The following CNIH3 variants were observed in gnomAD, a reference collection of about 807,000 sequenced individuals.
The protein encoded by CNIH3 is cornichon family AMPA receptor auxiliary protein 3.
Under a neutral mutation model 24.1 loss-of-function variants are expected in CNIH3, and 14 were observed. That is an observed-to-expected ratio of 0.58 (90% CI 0.38 to 0.91). CNIH3 has a LOEUF of 0.91. Ranked by LOEUF, CNIH3 falls within the 40% of genes least tolerant of loss-of-function variation. CNIH3 has a pLI of 0.00. For synonymous variants in CNIH3, 68 were observed against 73.8 expected (o/e 0.92, Z 0.40); for missense variants, 178 against 196.8 (o/e 0.90, Z 0.57).
intron 4 of CNIH3, among the ~76,000 whole-genome samples, chr1:224,569,452 AT>A (rs1349385843): frequency 6.6e-6 from 1 of 152,158 alleles, no homozygotes; most frequent in East Asian, 1.9e-4. Flanking sequence ...CATTGTTTCC[AT>A]TTTTAAAACA....
intron 4 of CNIH3, chr1:224,575,040 C>T (rs1680977072): frequency 2.3e-6 from 2 of 881,714 alleles, no homozygotes. Context: ...CCAGTACTGC[C>T]AGTCCAAAGG....
At chr1:224,533,021 A>T (rs1264553782) in intron 2 of CNIH3, among the ~76,000 whole-genome samples, 2 of 152,170 alleles carry the variant, frequency 1.3e-5, no homozygotes, top group Non-Finnish European at 2.9e-5. Flanking sequence ...ATATTATGTG[A>T]GTCTATTCAG....
chr1:224,651,779 TCAGA>T (rs2125105496), intron 1 of CNIH3, among the ~76,000 whole-genome samples: 1 of 152,344 alleles, frequency 6.6e-6, no homozygotes, highest in South Asian at 2.1e-4. Context: ...TTTTGTGATC[TCAGA>T]CAGTACCTGG....
intron 1 of CNIH3, among the ~76,000 whole-genome samples, chr1:224,464,079 G>A (rs1009251616): frequency 2.6e-5 from 4 of 151,960 alleles, no homozygotes; most frequent in Non-Finnish European, 4.4e-5. Flanking sequence ...GTGAGCCACC[G>A]CGCTCGACCT....
intron 4 of CNIH3, among the ~76,000 whole-genome samples, chr1:224,733,496 C>CA (rs1689438302): frequency 1.3e-5 from 2 of 152,198 alleles, no homozygotes; most frequent in South Asian, 4.1e-4. Flanking sequence ...CTTTTCAGCA[C>CA]AGTGTCAGTG....
chr1:224,619,328 T>C (rs1286707902), intron 1 of CNIH3, among the ~76,000 whole-genome samples: 2 of 152,226 alleles, frequency 1.3e-5, no homozygotes, highest in Non-Finnish European at 2.9e-5. Context: ...AGCTTCTCAA[T>C]GCTCACCCCC....
At chr1:224,696,149 C>G (rs940527423) in intron 3 of CNIH3, among the ~76,000 whole-genome samples, 2 of 152,086 alleles carry the variant, frequency 1.3e-5, no homozygotes, top group Non-Finnish European at 2.9e-5. Flanking sequence ...GTCTAGAGAC[C>G]CAGGCTCCTC....
downstream of CNIH3, among the ~76,000 whole-genome samples, chr1:224,541,706 GC>G (rs1325127329): frequency 6.6e-6 from 1 of 152,144 alleles, no homozygotes. Flanking sequence ...TATGCAACTG[GC>G]TATTCTTTTT....
chr1:224,675,554 A>G (rs1007477175), intron 1 of CNIH3, among the ~76,000 whole-genome samples: 3 of 152,248 alleles, frequency 2.0e-5, no homozygotes, highest in African/African-American at 2.4e-5. Context: ...AGAAGACAAT[A>G]TTTGCAAATT....
rs565327391 is a variant in CNIH3 at position 224,577,989 on chromosome 1, G to A, written n.517-5175G>A. 9.7e-4 allele frequency among the ~76,000 whole-genome samples: 147 copies of A among 151,614 alleles called. 2 individuals are homozygous for A. Among genetic ancestry groups the A allele is most frequent in the Admixed American group, 8.5e-3 (130 of 15,218 alleles). On this transcript the variant is annotated intron_variant and non_coding_transcript_variant, in intron 4 of 5. Transcript: ENST00000471578. Reference sequence around the variant, plus strand: ...AGGAATGGAAAACCAAACATCCTATGTTCTCACTTATGAGCAGGAGCTTGC... The same window carrying A: ...AGGAATGGAAAACCAAACATCCTATATTCTCACTTATGAGCAGGAGCTTGC...
chr1:224,532,486 C>T (rs1156629407), intron 2 of CNIH3, among the ~76,000 whole-genome samples: 1 of 152,132 alleles, frequency 6.6e-6, no homozygotes, highest in Non-Finnish European at 1.5e-5. Context: ...GAGGCTCTTG[C>T]AGTTATCCAG....
intron 1 of CNIH3, among the ~76,000 whole-genome samples, chr1:224,494,571 T>C (rs770959217): frequency 3.3e-5 from 5 of 152,224 alleles, no homozygotes; most frequent in Non-Finnish European, 7.3e-5. Flanking sequence ...TGCTTGTGGC[T>C]GAAGCCGTGT....
At chr1:224,480,155 A>T (rs1398289066) in intron 1 of CNIH3, among the ~76,000 whole-genome samples, 1 of 152,216 alleles carries the variant, frequency 6.6e-6, no homozygotes, top group Non-Finnish European at 1.5e-5. Context: ...CACCATGTGG[A>T]AGCTGCCAAG....
chr1:224,488,794 A>AGG (rs1553257607), intron 1 of CNIH3, among the ~76,000 whole-genome samples: 1 of 151,854 alleles, frequency 6.6e-6, no homozygotes, highest in East Asian at 1.9e-4. Flanking sequence ...TAAATTTTAG[A>AGG]TGTGTTTTTC....
chr1:224,541,844 C>T (rs983948), downstream of CNIH3, among the ~76,000 whole-genome samples: 29,784 of 152,094 alleles, frequency 0.2, 3,087 homozygotes, highest in South Asian at 0.35. Context: ...ACGACTGTAT[C>T]TTATCTTATT....
intron 1 of CNIH3, among the ~76,000 whole-genome samples, chr1:224,644,015 A>G (rs1390927370): frequency 6.6e-6 from 1 of 152,136 alleles, no homozygotes; most frequent in Non-Finnish European, 1.5e-5. Context: ...GGGTATTAGA[A>G]TTGTAGTAGA....
chr1:224,616,760 G>C lies in CNIH3; in HGVS notation c.-415G>C. ...CTCGTCTCTCCTCAGCGGTTTAGTG[G>C]AGAAAAGCAGAGAGCTCTTCCTGGG... On this transcript the variant is annotated 5_prime_UTR_variant, in exon 1 of 6. Coordinates refer to ENST00000272133, the MANE Select transcript of CNIH3 (RefSeq NM_152495.2). 9.8e-7 allele frequency: 1 copy of C among 1,017,484 alleles called. No homozygotes were observed. Among genetic ancestry groups the C allele is most frequent in the Non-Finnish European group, 1.2e-6 (1 of 851,008 alleles). The allele number at this position is 1,017,484 out of a possible 1,614,324, so 63.0% of individuals were successfully genotyped here. A position where few individuals can be genotyped will look rare whatever the true frequency, so the allele number is the denominator to read the frequency against.
At chr1:224,731,899 A>G (rs1260600530) in intron 4 of CNIH3, among the ~76,000 whole-genome samples, 2 of 152,362 alleles carry the variant, frequency 1.3e-5, no homozygotes, top group East Asian at 1.9e-4. Flanking sequence ...GGGTTCTTGG[A>G]GGGAAATAAG....
intron 3 of CNIH3, among the ~76,000 whole-genome samples, chr1:224,714,732 C>T (rs1466865571): frequency 6.6e-6 from 1 of 152,190 alleles, no homozygotes; most frequent in Non-Finnish European, 1.5e-5. Context: ...CTCAGGGTCA[C>T]TCCGTTCATC....
Sources: gnomAD v4.1 joint callset for allele counts (sites outside exome capture counted in the v4.1 genomes callset) on GRCh38, gnomAD v4.1.1 for gene constraint, MANE v1.5 for transcripts, NCBI Gene and HGNC (gene_info 2026-07-23, HGNC 2026-07-21) for gene names.